ST8SIA6: variants seen among roughly 807,000 people sequenced by gnomAD.
ST8SIA6 encodes alpha-2,8-sialyltransferase 8F.
Under a neutral mutation model 33.6 loss-of-function variants are expected in ST8SIA6, and 39 were observed. That is an observed-to-expected ratio of 1.16 (90% CI 0.90 to 1.52). The LOEUF (loss-of-function observed/expected upper bound fraction) is 1.52, where lower values mean the gene tolerates loss of function less well. ST8SIA6 is among the 40% of genes most tolerant of loss of function. The probability of loss-of-function intolerance (pLI) is 0.00; values close to 1 mark genes in which losing one functional copy is unlikely to be tolerated. For synonymous variants in ST8SIA6, 172 were observed against 167.2 expected, an observed-to-expected ratio of 1.03 and a Z score of -0.22; for missense variants, 441 against 443.8, an observed-to-expected ratio of 0.99 and a Z score of 0.06.
rs1847762413 is a variant in ST8SIA6, at chr10:17,315,983, C to T, written c.*4895G>A. Among the ~76,000 whole-genome samples, 3 of 151,870 alleles carry T rather than the reference C, an allele frequency of 2.0e-5. No homozygotes were observed. Among genetic ancestry groups the T allele is most frequent in the Non-Finnish European group, 4.4e-5 (3 of 67,890 alleles). On this transcript the variant is annotated 3_prime_UTR_variant, in exon 8 of 8. Coordinates refer to ENST00000377602, the MANE Select transcript of ST8SIA6 (RefSeq NM_001004470.3). The stretch of plus-strand genomic sequence containing the variant: ...GTCAGACATATGAGTTGAATACTAG[C>T]TCTGCTCTTATATATAATGCAACCT...
chr10:17,448,890 G>C (rs1315149180), intron 2 of ST8SIA6, among the ~76,000 whole-genome samples: 1 of 150,990 alleles, frequency 6.6e-6, no homozygotes, highest in Non-Finnish European at 1.5e-5. Context: ...AAAGTGCTGG[G>C]ATTACAGGCG....
intron 2 of ST8SIA6, among the ~76,000 whole-genome samples, chr10:17,442,754 A>C (rs1852547534): frequency 6.6e-6 from 1 of 152,252 alleles, no homozygotes; most frequent in South Asian, 2.1e-4. Flanking sequence ...CTGCAGGTTT[A>C]AATCATCCTC....
intron 2 of ST8SIA6, among the ~76,000 whole-genome samples, 165 bp downstream of exon 2, chr10:17,453,394 G>C: frequency 6.6e-6 from 1 of 150,386 alleles, no homozygotes; most frequent in East Asian, 2.0e-4. Context: ...TGTGAAGGGT[G>C]CCCCCCCCCA....
chr10:17,332,679 C>T (rs1176591021), intron 4 of ST8SIA6, among the ~76,000 whole-genome samples: 1 of 152,180 alleles, frequency 6.6e-6, no homozygotes, highest in East Asian at 1.9e-4. Context: ...AGGCTGGTCT[C>T]GAACTCCTGA....
intron 7 of ST8SIA6, 119 bp from the exon 8 acceptor site, chr10:17,321,465 T>C: frequency 2.6e-6 from 2 of 765,960 alleles, no homozygotes; most frequent in East Asian, 5.4e-5. Context: ...ATACTGTATA[T>C]AAAACAGATA....
chr10:17,359,840 A>C (rs1364322134), intron 3 of ST8SIA6, among the ~76,000 whole-genome samples: 1 of 152,102 alleles, frequency 6.6e-6, no homozygotes, highest in East Asian at 1.9e-4. Context: ...AGTATTAAAA[A>C]CCGTGACAAC....
chr10:17,390,489 C>T (rs774795190), intron 3 of ST8SIA6, 42 bp downstream of exon 3: 56 of 1,502,338 alleles, frequency 3.7e-5, no homozygotes, highest in Non-Finnish European at 5.0e-5. Flanking sequence ...AAAATAAAAC[C>T]CTTGTTGTAA....
rs1206932498 is a variant in ST8SIA6 at position 17,374,939 on chromosome 10, C to CAT, written c.291-15341_291-15340dup. ...TATAACTCTTCTTTTTTTCCAGTTT[C>CAT]ATATATATATATTTTGAGACAGGGT... On this transcript the variant is annotated intron_variant, in intron 3 of 7. Coordinates refer to ENST00000377602, the MANE Select transcript of ST8SIA6 (RefSeq NM_001004470.3). Among the ~76,000 whole-genome samples, 23 of 150,434 alleles carry CAT rather than the reference C, an allele frequency of 1.5e-4. No individual in the cohort carries two copies. The East Asian group carries it at 2.4e-3, about 16-fold the overall frequency.
intron 2 of ST8SIA6, among the ~76,000 whole-genome samples, chr10:17,422,520 C>G (rs1851809994): frequency 6.6e-6 from 1 of 152,228 alleles, no homozygotes; most frequent in Non-Finnish European, 1.5e-5. Flanking sequence ...TGTACTACTT[C>G]ATGGCAAATA....
At position 17,317,921 on chromosome 10, in the gene ST8SIA6, G is replaced by C. The variant is rs774929226; in HGVS notation, c.*2957C>G. Among the ~76,000 whole-genome samples, 1 of 152,192 alleles carries C rather than the reference G, an allele frequency of 6.6e-6. No individual in the cohort carries two copies. The highest frequency in any genetic ancestry group is 2.4e-5 in the African/African-American group (1 of 41,458). ...CATTGCCTTTTGTTCCAAGGGAAAA[G>C]CACCAGAGACTTCAAGGATGTTCGA... On this transcript the variant is annotated 3_prime_UTR_variant, in exon 8 of 8. Transcript: ENST00000377602.
intron 2 of ST8SIA6, chr10:17,399,292 A>G (rs1308351823): frequency 6.6e-6 from 1 of 152,230 alleles, no homozygotes; most frequent in African/African-American, 2.4e-5. Flanking sequence ...AAGTAAACAC[A>G]CAATTACCAT....
At chr10:17,344,608 G>A (rs946546592) in intron 4 of ST8SIA6, among the ~76,000 whole-genome samples, 14 of 152,202 alleles carry the variant, frequency 9.2e-5, no homozygotes, top group African/African-American at 2.9e-4. Flanking sequence ...TTTGAGTGAG[G>A]ACACAGTCAA....
At chr10:17,326,456 T>C (rs1455859870) in intron 6 of ST8SIA6, among the ~76,000 whole-genome samples, 1 of 152,194 alleles carries the variant, frequency 6.6e-6, no homozygotes, top group Non-Finnish European at 1.5e-5. Context: ...CTAGCTGATA[T>C]TCAGATAGAA....
chr10:17,366,827 C>T (rs1443589811), intron 3 of ST8SIA6, among the ~76,000 whole-genome samples: 1 of 152,096 alleles, frequency 6.6e-6, no homozygotes, highest in Non-Finnish European at 1.5e-5. Flanking sequence ...TCTCTTTCCA[C>T]CTTCCATTCT....
chr10:17,324,930 C>A (rs1588778316), intron 6 of ST8SIA6, among the ~76,000 whole-genome samples: 1 of 142,542 alleles, frequency 7.0e-6, no homozygotes, highest in African/African-American at 2.6e-5. Context: ...ATATAATATG[C>A]ATACATATTA....
In ST8SIA6 at chr10:17,319,195, T is replaced by G. The variant is rs1847864497; in HGVS notation, c.*1683A>C. On this transcript the variant is annotated 3_prime_UTR_variant, in exon 8 of 8. Coordinates refer to ENST00000377602, the MANE Select transcript of ST8SIA6 (RefSeq NM_001004470.3). ...TCGATAATACACCACATCAGCTATG[T>G]AAATCATAAAACATGCGTCACAGTT... Among the ~76,000 whole-genome samples, 1 of 152,244 alleles carries G rather than the reference T, an allele frequency of 6.6e-6. No homozygotes were observed. Among genetic ancestry groups the G allele is most frequent in the Non-Finnish European group, 1.5e-5 (1 of 68,046 alleles).
At chr10:17,414,440 A>G (rs1304904764) in intron 2 of ST8SIA6, among the ~76,000 whole-genome samples, 1 of 152,186 alleles carries the variant, frequency 6.6e-6, no homozygotes, top group Non-Finnish European at 1.5e-5. Context: ...CCTGCAGAGG[A>G]GCAACACTTT....
At chr10:17,346,134 A>T (rs1848825134) in intron 4 of ST8SIA6, among the ~76,000 whole-genome samples, 1 of 152,224 alleles carries the variant, frequency 6.6e-6, no homozygotes, top group Admixed American at 6.5e-5. Context: ...GAGCTGCAAG[A>T]AGCTCAAGTC....
intron 2 of ST8SIA6, among the ~76,000 whole-genome samples, chr10:17,395,656 G>T (rs1850779038): frequency 6.6e-6 from 1 of 152,214 alleles, no homozygotes; most frequent in South Asian, 2.1e-4. Flanking sequence ...GCCAAGGCGG[G>T]CAGATCACCT....
Sources: gnomAD v4.1 joint callset for allele counts (sites outside exome capture counted in the v4.1 genomes callset) on GRCh38, gnomAD v4.1.1 for gene constraint, MANE v1.5 for transcripts, NCBI Gene and HGNC (gene_info 2026-07-23, HGNC 2026-07-21) for gene names.